The following CDH10 variants were observed in gnomAD, a reference collection of about 807,000 sequenced individuals.
CDH10 encodes cadherin 10.
A neutral mutation model predicts 73.1 loss-of-function variants in CDH10; 30 were observed. The observed-to-expected ratio is 0.41, with a 90% confidence interval of 0.31 to 0.56. The LOEUF (loss-of-function observed/expected upper bound fraction) is 0.56, where lower values mean the gene tolerates loss of function less well. Among genes scored for constraint, CDH10 ranks in the 20% least tolerant of loss-of-function variants. CDH10 has a pLI of 0.27. For missense variants in CDH10, 815 were observed against 973.7 expected (o/e 0.84, Z 2.17); for synonymous variants, 345 against 348.2 (o/e 0.99, Z 0.10).
At chr5:24,512,641 C>T (rs76720199) in intron 5 of CDH10, among the ~76,000 whole-genome samples, 1,666 of 152,226 alleles carry the variant, frequency 0.011, 36 homozygotes, top group African/African-American at 0.038. Context: ...CAGAGAAACA[C>T]AAAAATTTAT....
At chr5:24,639,034 T>TA (rs1394710090) in intron 1 of CDH10, among the ~76,000 whole-genome samples, 4 of 151,634 alleles carry the variant, frequency 2.6e-5, no homozygotes, top group African/African-American at 9.7e-5. Flanking sequence ...AAATAATTGA[T>TA]AAATACACTT....
At chr5:24,586,826 A>G (rs1746021058) in intron 2 of CDH10, among the ~76,000 whole-genome samples, 1 of 147,176 alleles carries the variant, frequency 6.8e-6, no homozygotes, top group African/African-American at 2.5e-5. Flanking sequence ...TAGTAAAACA[A>G]TAAGATAGCC....
intron 10 of CDH10, among the ~76,000 whole-genome samples, chr5:24,492,459 G>T (rs1742096071): frequency 6.6e-6 from 1 of 152,102 alleles, no homozygotes; most frequent in Admixed American, 6.6e-5. Flanking sequence ...TGGTGAATCT[G>T]CTGCTGCTAA....
intron 1 of CDH10, among the ~76,000 whole-genome samples, chr5:24,622,737 C>CATT (rs894213968): frequency 6.6e-6 from 1 of 152,046 alleles, no homozygotes; most frequent in Non-Finnish European, 1.5e-5. Context: ...AGACAGCAGG[C>CATT]ATTACTTCAT....
At chr5:24,565,648 A>C (rs1204501514) in intron 2 of CDH10, among the ~76,000 whole-genome samples, 1 of 152,148 alleles carries the variant, frequency 6.6e-6, no homozygotes, top group African/African-American at 2.4e-5. Context: ...AGGGCCTCTA[A>C]GGAAGTAATT....
intron 2 of CDH10, among the ~76,000 whole-genome samples, chr5:24,560,181 CA>C (rs1324588114): frequency 1.3e-5 from 2 of 148,608 alleles, no homozygotes; most frequent in African/African-American, 5.0e-5. Context: ...GATAATGTTT[CA>C]TTTGGAAATA....
intron 1 of CDH10, among the ~76,000 whole-genome samples, chr5:24,614,556 G>A (rs1235784348): frequency 6.6e-6 from 1 of 152,148 alleles, no homozygotes; most frequent in Non-Finnish European, 1.5e-5. Flanking sequence ...AATAAAATGG[G>A]TCAGGGATGA....
In CDH10 at chr5:24,593,558, C is replaced by T. The variant is rs1307684763; in HGVS notation, c.-68G>A. The T allele has an allele frequency of 5.9e-6, 5 of 849,756 alleles. No homozygotes were observed. In the Admixed American group the frequency reaches 8.4e-5, roughly 14 times the overall value. The allele number at this position is 849,756 out of a possible 1,614,324, so 52.6% of individuals were successfully genotyped here. A position where few individuals can be genotyped will look rare whatever the true frequency, so the allele number is the denominator to read the frequency against. On this transcript the variant is annotated 5_prime_UTR_variant, in exon 2 of 12. Transcript: ENST00000264463. ...GTCCTATTTTACCCAGTTGGTTTTA[C>T]TGTGTTTCAACTGGTTTCCAACATT...
intron 2 of CDH10, among the ~76,000 whole-genome samples, chr5:24,575,620 A>C (rs1745573336): frequency 6.6e-6 from 1 of 152,074 alleles, no homozygotes; most frequent in Non-Finnish European, 1.5e-5. Context: ...TCTCAAATAA[A>C]CATTTTTATT....
chr5:24,544,661 C>T (rs185453913), intron 2 of CDH10, among the ~76,000 whole-genome samples: 5 of 152,214 alleles, frequency 3.3e-5, no homozygotes, highest in East Asian at 1.9e-4. Flanking sequence ...GTGCTTGTGG[C>T]CACTTCTGAC....
chr5:24,509,193 CTTT>C (rs34197649), intron 7 of CDH10, among the ~76,000 whole-genome samples: 64 of 109,456 alleles, frequency 5.8e-4, no homozygotes, highest in South Asian at 1.5e-3. Context: ...ATTTCAACTG[CTTT>C]TTTTTTTTTT....
At chr5:24,491,080 A>G (rs1742036161) in intron 11 of CDH10, among the ~76,000 whole-genome samples, 1 of 152,152 alleles carries the variant, frequency 6.6e-6, no homozygotes, top group Admixed American at 6.5e-5. Flanking sequence ...ACCACTCAAG[A>G]GGAAAATAAT....
At chr5:24,626,375 T>G (rs1202987437) in intron 1 of CDH10, among the ~76,000 whole-genome samples, 1 of 152,150 alleles carries the variant, frequency 6.6e-6, no homozygotes, top group African/African-American at 2.4e-5. Context: ...TATGTCTTTA[T>G]CTGTTCCTTT....
chr5:24,584,464 T>G (rs79002880), intron 2 of CDH10, among the ~76,000 whole-genome samples: 2,510 of 55,454 alleles, frequency 0.045, 37 homozygotes, highest in African/African-American at 0.07. Context: ...TTTTTTTTTT[T>G]TGTGTGTGTG....
intron 5 of CDH10, among the ~76,000 whole-genome samples, chr5:24,520,087 C>A (rs1054831549): frequency 1.3e-5 from 2 of 152,162 alleles, no homozygotes; most frequent in African/African-American, 4.8e-5. Flanking sequence ...ACTCTAATAA[C>A]CTCATTTTAA....
chr5:24,584,682 G>T (rs1380676317), intron 2 of CDH10, among the ~76,000 whole-genome samples: 1 of 151,410 alleles, frequency 6.6e-6, no homozygotes, highest in East Asian at 2.0e-4. Context: ...TGTTGGCCAG[G>T]CTGGTCTCGA....
At chr5:24,637,715 TATA>T (rs1372448399) in intron 1 of CDH10, among the ~76,000 whole-genome samples, 1 of 151,846 alleles carries the variant, frequency 6.6e-6, no homozygotes, top group Non-Finnish European at 1.5e-5. Flanking sequence ...GTATAACACA[TATA>T]ATAATAAATA....
At chr5:24,529,430 C>T (rs886945713) in intron 5 of CDH10, among the ~76,000 whole-genome samples, 1 of 151,872 alleles carries the variant, frequency 6.6e-6, no homozygotes, top group African/African-American at 2.4e-5. Context: ...TCTTCCATCA[C>T]CTATAATTTA....
At chr5:24,571,117 C>T (rs977544979) in intron 2 of CDH10, among the ~76,000 whole-genome samples, 5 of 152,070 alleles carry the variant, frequency 3.3e-5, no homozygotes, top group South Asian at 2.1e-4. Context: ...AAGAGTTTTA[C>T]AGAGAACCAA....
Sources: gnomAD v4.1 joint callset for allele counts (sites outside exome capture counted in the v4.1 genomes callset) on GRCh38, gnomAD v4.1.1 for gene constraint, MANE v1.5 for transcripts, NCBI Gene and HGNC (gene_info 2026-07-23, HGNC 2026-07-21) for gene names.